The following VPS13D variants were observed in gnomAD, a reference collection of about 807,000 sequenced individuals.
VPS13D encodes intermembrane lipid transfer protein VPS13D.
A neutral mutation model predicts 461.9 loss-of-function variants in VPS13D; 187 were observed. The observed-to-expected ratio is 0.40, with a 90% CI of 0.36 to 0.46. The LOEUF (loss-of-function observed/expected upper bound fraction) is 0.46. VPS13D is among the 20% of genes least tolerant of loss of function. The pLI, the probability that VPS13D is intolerant of heterozygous loss-of-function variation, is 0.60. For synonymous variants in VPS13D, 1,951 were observed against 1,986.3 expected (o/e 0.98, Z 0.47); for missense variants, 4,711 against 5,364.9 (o/e 0.88, Z 3.81).
intron 2 of VPS13D, among the ~76,000 whole-genome samples, chr1:12,237,776 A>G (rs1362122551): frequency 1.3e-5 from 2 of 151,234 alleles, no homozygotes; most frequent in Non-Finnish European, 2.9e-5. Flanking sequence ...GCATTGAGCT[A>G]TGTTCTTGTC....
intron 34 of VPS13D, among the ~76,000 whole-genome samples, 179 bp downstream of exon 34, chr1:12,322,925 C>A (rs1188373606): frequency 1.3e-5 from 2 of 152,174 alleles, no homozygotes; most frequent in Non-Finnish European, 2.9e-5. Context: ...AACAAAACAT[C>A]CCTAACCAAC....
intron 25 of VPS13D, among the ~76,000 whole-genome samples, chr1:12,301,629 C>T (rs1245261010): frequency 6.6e-6 from 1 of 152,164 alleles, no homozygotes; most frequent in South Asian, 2.1e-4. Context: ...ATGGAGTCCC[C>T]ATTACATGGG....
At chr1:12,253,689 A>G (rs1346167971) in intron 6 of VPS13D, 33 bp from the exon 7 acceptor site, 3 of 1,496,398 alleles carry the variant, frequency 2.0e-6, no homozygotes, top group Non-Finnish European at 2.8e-6. Flanking sequence ...AAAGACAGTC[A>G]TCCTATTTTC....
intron 18 of VPS13D, among the ~76,000 whole-genome samples, chr1:12,274,823 C>T (rs1641558814): frequency 2.6e-5 from 4 of 152,182 alleles, no homozygotes; most frequent in Non-Finnish European, 5.9e-5. Flanking sequence ...TGGCTCATGC[C>T]TGTAATACCC....
Position 12,335,707 on chromosome 1 carries a change from C to A in VPS13D, c.8431C>A (p.Gln2811Lys). 3 of 1,610,800 alleles carry A rather than the reference C, an allele frequency of 1.9e-6. No individual in the cohort carries two copies. Among genetic ancestry groups the A allele is most frequent in the Non-Finnish European group, 2.5e-6 (3 of 1,178,322 alleles). The stretch of plus-strand genomic sequence containing the variant: ...TATCTCTGGGGGATTCTTTCTAGAC[C>A]AGTATGTAAGTACCAAGGAATCGTG... Reference protein sequence around the residue: ...DINITSVLIDQYVSTKESWMA... With the variant: ...DINITSVLIDKYVSTKESWMA... Residue 2811 changes from glutamine to lysine, a missense_variant and splice_region_variant, in exon 39 of 70, where the codon CAG becomes AAG. Around this residue, in one of 3 missense-constraint regions of VPS13D, gnomAD observed 4,411 missense variants for 4,937.8 expected, o/e 0.89. Transcript: ENST00000620676.
At chr1:12,242,662 G>C in intron 3 of VPS13D, 72 bp downstream of exon 3, 1 of 1,371,910 alleles carries the variant, frequency 7.3e-7, no homozygotes, top group Non-Finnish European at 1.0e-6. Context: ...TGAGAGCCCT[G>C]GAGTTTGTAT....
In VPS13D at chr1:12,275,894, A is replaced by G; in HGVS notation, c.2306A>G (p.Lys769Arg). 6.2e-7 allele frequency: 1 copy of G among 1,613,574 alleles called. No individual in the cohort carries two copies. Among genetic ancestry groups the G allele is most frequent in the Non-Finnish European group, 8.5e-7 (1 of 1,179,860 alleles). ...EETQFSDDEYKTPLATPPNTP... is the reference protein window; with the variant it reads ...EETQFSDDEYRTPLATPPNTP... ...ACCCAGTTTAGTGATGATGAATATA[A>G]GACCCCCCTGGCCACACCTCCTAAC... is the stretch of plus-strand genomic sequence containing the variant. Residue 769 changes from lysine to arginine, a missense_variant, in exon 19 of 70, where the codon AAG becomes AGG. Lys to Arg is a conservative substitution (Grantham distance 26). This residue lies in a region of VPS13D where 4,411 missense variants were observed against 4,937.8 expected (regional missense o/e 0.89). Coordinates refer to ENST00000620676, the MANE Select transcript of VPS13D (RefSeq NM_015378.4).
intron 38 of VPS13D, 73 bp downstream of exon 38, chr1:12,333,439 C>G (rs943634783): frequency 6.4e-7 from 1 of 1,565,454 alleles, no homozygotes; most frequent in African/African-American, 1.4e-5. Context: ...GACTATTAAT[C>G]CTGGTTTAGC....
intron 27 of VPS13D, among the ~76,000 whole-genome samples, chr1:12,309,272 G>A (rs531325230): frequency 3.0e-4 from 44 of 146,918 alleles, no homozygotes; most frequent in Non-Finnish European, 5.5e-4. Context: ...GTATAGTGGC[G>A]AGATCTCAGC....
At chr1:12,327,078 T>C (rs1476428634) in intron 35 of VPS13D, among the ~76,000 whole-genome samples, 4 of 152,222 alleles carry the variant, frequency 2.6e-5, no homozygotes, top group South Asian at 2.1e-4. Flanking sequence ...CTGAGAACTT[T>C]CCATGTACTC....
At chr1:12,271,980 T>C (rs1185787565) in intron 17 of VPS13D, among the ~76,000 whole-genome samples, 1 of 152,020 alleles carries the variant, frequency 6.6e-6, no homozygotes, top group Non-Finnish European at 1.5e-5. Context: ...TCGTTTGAGC[T>C]CAGGAGTTCG....
At chr1:12,283,884 A>G (rs1641886524) in intron 21 of VPS13D, 148 bp downstream of exon 21, 4 of 871,644 alleles carry the variant, frequency 4.6e-6, no homozygotes, top group Non-Finnish European at 6.8e-6. Context: ...TACGAAAGGT[A>G]GACATGAATA....
intron 65 of VPS13D, among the ~76,000 whole-genome samples, chr1:12,442,289 T>G (rs1430818322): frequency 2.0e-5 from 3 of 152,238 alleles, no homozygotes; most frequent in Non-Finnish European, 2.9e-5. Flanking sequence ...TGATTTATAT[T>G]TTTCCCACTG....
rs563543479 is a variant in VPS13D, at chr1:12,419,964, G to C, written c.12333+3137G>C. Among the ~76,000 whole-genome samples the C allele has an allele frequency of 4.3e-3, 653 of 152,312 alleles. 2 individuals carry two copies. Among genetic ancestry groups the C allele is most frequent in the Non-Finnish European group, 7.6e-3 (518 of 68,030 alleles). On this transcript the variant is annotated intron_variant, in intron 65 of 69. Transcript: ENST00000620676. The stretch of plus-strand genomic sequence containing the variant: ...GTTAAAGATATCTAAACCTAGAAAA[G>C]GTAGAGTAAAAGTATGGTATTATAA...
chr1:12,421,661 C>T (rs907166570), intron 65 of VPS13D, among the ~76,000 whole-genome samples: 32 of 152,154 alleles, frequency 2.1e-4, no homozygotes, highest in African/African-American at 7.0e-4. Context: ...AGCAAATGAT[C>T]CCACTGTCTT....
chr1:12,496,860 G>A (rs1378928126), intron 67 of VPS13D, among the ~76,000 whole-genome samples: 1 of 149,172 alleles, frequency 6.7e-6, no homozygotes, highest in East Asian at 1.9e-4. Context: ...GCCTGGGCCA[G>A]GTCCAGGTCC....
chr1:12,492,808 G>A (rs1337415648), intron 67 of VPS13D, among the ~76,000 whole-genome samples: 1 of 152,180 alleles, frequency 6.6e-6, no homozygotes, highest in African/African-American at 2.4e-5. Flanking sequence ...GAGACATGGT[G>A]AATTAATCAT....
rs375735050 is a variant in VPS13D at position 12,355,850 on chromosome 1, T to G, written c.9680-49T>G. ...CAATTTACTTTTGCTGTGAGCTATTTTGACAAATAGTGAGAACTCTGAAAG... is the reference window on the plus strand; with the variant it reads ...CAATTTACTTTTGCTGTGAGCTATTGTGACAAATAGTGAGAACTCTGAAAG... On this transcript the variant is annotated intron_variant, in intron 47 of 69. Coordinates refer to ENST00000620676, the MANE Select transcript of VPS13D (RefSeq NM_015378.4). 1.6e-5 allele frequency: 24 copies of G among 1,456,280 alleles called. No homozygotes were observed. The African/African-American group carries it at 2.7e-4, about 17-fold the overall frequency. The allele number at this position is 1,456,280 out of a possible 1,614,324, so 90.2% of individuals were successfully genotyped here. A position where few individuals can be genotyped will look rare whatever the true frequency, so the allele number is the denominator to read the frequency against.
At chr1:12,324,176 C>T (rs555203757) in intron 35 of VPS13D, among the ~76,000 whole-genome samples, 5 of 152,210 alleles carry the variant, frequency 3.3e-5, no homozygotes, top group South Asian at 4.2e-4. Context: ...CCCAAAATGC[C>T]GGGATGACAG....
Sources: allele counts gnomAD v4.1 joint callset (sites outside exome capture counted in the v4.1 genomes callset), GRCh38; gene constraint gnomAD v4.1.1; regional missense constraint gnomAD v4.1.1; transcripts MANE v1.5; gene names NCBI Gene and HGNC (gene_info 2026-07-23, HGNC 2026-07-21).